The following DENND1B variants were observed in gnomAD, a reference collection of about 807,000 sequenced individuals.
The protein encoded by DENND1B is DENN domain containing 1B.
A neutral mutation model predicts 90.1 loss-of-function variants in DENND1B; 59 were observed. The ratio of observed to expected loss-of-function variants is 0.65; its 90% CI spans 0.53 to 0.81. DENND1B has a LOEUF of 0.81. DENND1B is among the 40% of genes least tolerant of loss of function. The probability of loss-of-function intolerance (pLI) is 0.00; values close to 1 mark genes in which losing one functional copy is unlikely to be tolerated. For missense variants in DENND1B, 862 were observed against 912.6 expected, an observed-to-expected ratio of 0.94 and a Z score of 0.71; for synonymous variants, 337 against 324.6, an observed-to-expected ratio of 1.04 and a Z score of -0.41.
chr1:197,725,713 T>C (rs1323466213), intron 2 of DENND1B, among the ~76,000 whole-genome samples: 1 of 149,986 alleles, frequency 6.7e-6, no homozygotes, highest in Non-Finnish European at 1.5e-5. Context: ...CAAGGTGAGG[T>C]CAGAGAGTTA....
At position 197,638,819 on chromosome 1, in the gene DENND1B, C is replaced by T. The variant is rs564847785; in HGVS notation, c.672+3892G>A. On this transcript the variant is annotated intron_variant, in intron 10 of 22. Coordinates refer to ENST00000620048, the MANE Select transcript of DENND1B (RefSeq NM_001195215.2). Reference sequence around the variant, plus strand: ...TTGTTCAGGATTACCAGAAACCGTTCCATGTGTACTTGACAATGTATAAAT... The same window carrying T: ...TTGTTCAGGATTACCAGAAACCGTTTCATGTGTACTTGACAATGTATAAAT... Among the ~76,000 whole-genome samples the T allele has an allele frequency of 3.1e-3, 470 of 152,132 alleles. 1 individual carries two copies. The highest frequency in any genetic ancestry group is 7.5e-3 in the South Asian group (36 of 4,810).
intron 16 of DENND1B, among the ~76,000 whole-genome samples, chr1:197,548,154 AG>A (rs1434771653): frequency 6.6e-6 from 1 of 152,240 alleles, no homozygotes; most frequent in African/African-American, 2.4e-5. Context: ...TAGAAAGGTT[AG>A]GGTCTTATTT....
intron 15 of DENND1B, among the ~76,000 whole-genome samples, chr1:197,562,852 C>T (rs1269081739): frequency 6.6e-6 from 1 of 151,946 alleles, no homozygotes; most frequent in East Asian, 1.9e-4. Context: ...AGTGCTACTG[C>T]AGTGCCCACA....
chr1:197,721,290 C>T (rs891928690), intron 2 of DENND1B, among the ~76,000 whole-genome samples: 29 of 151,866 alleles, frequency 1.9e-4, no homozygotes, highest in African/African-American at 5.6e-4. Context: ...CAAATGGTCT[C>T]GATCTCCTGA....
At chr1:197,596,987 A>G (rs965673657) in intron 13 of DENND1B, among the ~76,000 whole-genome samples, 3 of 151,876 alleles carry the variant, frequency 2.0e-5, no homozygotes, top group Non-Finnish European at 4.4e-5. Context: ...TATGTTCATA[A>G]TCTATGCAGA....
At chr1:197,563,768 T>C (rs1000214341) in intron 15 of DENND1B, among the ~76,000 whole-genome samples, 1 of 151,948 alleles carries the variant, frequency 6.6e-6, no homozygotes, top group Non-Finnish European at 1.5e-5. Context: ...GGAAAGTAAA[T>C]TGAAAACCTT....
At chr1:197,570,284 T>C (rs550879311) in intron 15 of DENND1B, among the ~76,000 whole-genome samples, 13 of 152,018 alleles carry the variant, frequency 8.6e-5, no homozygotes, top group Non-Finnish European at 1.5e-4. Context: ...ATTTTCCTTA[T>C]GTGACATAGG....
At chr1:197,615,210 TATTC>T (rs1377125153) in intron 11 of DENND1B, among the ~76,000 whole-genome samples, 5 of 151,192 alleles carry the variant, frequency 3.3e-5, no homozygotes, top group African/African-American at 1.2e-4. Flanking sequence ...AACTAAATCT[TATTC>T]ATTACATTAC....
chr1:197,608,174 T>C (rs994431070), intron 12 of DENND1B, among the ~76,000 whole-genome samples: 5 of 150,596 alleles, frequency 3.3e-5, no homozygotes, highest in Admixed American at 2.7e-4. Context: ...AACTGGTTAT[T>C]CTAAGTTGGT....
At chr1:197,546,432 T>C (rs1237178414) in intron 17 of DENND1B, among the ~76,000 whole-genome samples, 1 of 152,140 alleles carries the variant, frequency 6.6e-6, no homozygotes, top group Non-Finnish European at 1.5e-5. Flanking sequence ...TGCCATCAAA[T>C]CCTTCTACCC....
intron 5 of DENND1B, among the ~76,000 whole-genome samples, chr1:197,659,115 T>C (rs2125955051): frequency 6.6e-6 from 1 of 151,454 alleles, no homozygotes; most frequent in East Asian, 2.0e-4. Flanking sequence ...CAAAATACAC[T>C]GTTGTTAATT....
chr1:197,638,081 G>A (rs1481247687), intron 10 of DENND1B, among the ~76,000 whole-genome samples: 1 of 152,154 alleles, frequency 6.6e-6, no homozygotes, highest in Non-Finnish European at 1.5e-5. Flanking sequence ...ATATTTAATA[G>A]CTGATTTTCC....
intron 3 of DENND1B, among the ~76,000 whole-genome samples, chr1:197,704,783 A>G (rs2102176830): frequency 6.6e-6 from 1 of 152,234 alleles, no homozygotes; most frequent in South Asian, 2.1e-4. Context: ...AAATTATTAC[A>G]ATAATCTTTT....
At chr1:197,726,789 T>C (rs1266826545) in intron 2 of DENND1B, among the ~76,000 whole-genome samples, 1 of 152,190 alleles carries the variant, frequency 6.6e-6, no homozygotes, top group Admixed American at 6.5e-5. Context: ...TGATTCTAAA[T>C]ATCAATGTGA....
At chr1:197,627,781 C>G (rs1269234917) in intron 10 of DENND1B, among the ~76,000 whole-genome samples, 1 of 152,110 alleles carries the variant, frequency 6.6e-6, no homozygotes, top group Non-Finnish European at 1.5e-5. Context: ...TAGAAAACCC[C>G]ATTGTCTCAG....
rs1448426074 is a variant in DENND1B at position 197,636,697 on chromosome 1, A to T, written c.672+6014T>A. On this transcript the variant is annotated intron_variant, in intron 10 of 22. Coordinates refer to ENST00000620048, the MANE Select transcript of DENND1B (RefSeq NM_001195215.2). ...ATTGGCTATAATTATTAATAACATC[A>T]TCATTTTATGTAAGTGAATTCAGTA... Among the ~76,000 whole-genome samples, 3 of 152,194 alleles carry T rather than the reference A, an allele frequency of 2.0e-5. No homozygotes were observed. The East Asian group carries it at 5.8e-4, about 29-fold the overall frequency.
chr1:197,648,648 C>CT (rs1251807569), intron 7 of DENND1B, among the ~76,000 whole-genome samples: 1 of 152,128 alleles, frequency 6.6e-6, no homozygotes, highest in East Asian at 1.9e-4. Flanking sequence ...CCAGGCTCTT[C>CT]TTTATTCTCC....
chr1:197,506,145 GA>G lies in DENND1B; in HGVS notation c.*4314del. 1 of 151,694 alleles carries G rather than the reference GA, an allele frequency of 6.6e-6. No individual in the cohort carries two copies. Among genetic ancestry groups the G allele is most frequent in the Non-Finnish European group, 1.5e-5 (1 of 67,650 alleles). 9.4% of individuals were successfully genotyped at this position (151,694 alleles called of 1,614,324 possible). ...AAACATGACCTTAAGGCATCTGCCAGAAAAACAGATGTACATATTTATATGA... is the reference window on the plus strand; with the variant it reads ...AAACATGACCTTAAGGCATCTGCCAGAAAACAGATGTACATATTTATATGA... On this transcript the variant is annotated 3_prime_UTR_variant, in exon 23 of 23. Transcript: ENST00000620048.
chr1:197,577,182 G>C (rs1212308114), intron 15 of DENND1B, among the ~76,000 whole-genome samples: 1 of 152,030 alleles, frequency 6.6e-6, no homozygotes, highest in Non-Finnish European at 1.5e-5. Context: ...CAATAACATG[G>C]GATAAATTCT....
Sources: allele counts gnomAD v4.1 joint callset (sites outside exome capture counted in the v4.1 genomes callset), GRCh38; gene constraint gnomAD v4.1.1; transcripts MANE v1.5; gene names NCBI Gene and HGNC (gene_info 2026-07-23, HGNC 2026-07-21).